ATP11A: variants seen among roughly 807,000 people sequenced by gnomAD.
ATP11A encodes the protein ATPase phospholipid transporting 11A.
ATP11A carries 81 observed loss-of-function variants against 154.4 expected under a neutral mutation model. That is an observed-to-expected ratio of 0.52 (90% confidence interval 0.44 to 0.63). ATP11A has a LOEUF of 0.63. Among genes scored for constraint, ATP11A ranks in the 30% least tolerant of loss-of-function variants. The pLI is 0.00. For missense variants in ATP11A, 1,316 were observed against 1,474.3 expected (o/e 0.89, Z 1.76); for synonymous variants, 623 against 585.9 (o/e 1.06, Z -0.91).
chr13:112,762,663 C>T (rs393244), intron 1 of ATP11A, among the ~76,000 whole-genome samples: 35,973 of 152,176 alleles, frequency 0.24, 6,207 homozygotes, highest in African/African-American at 0.49. Flanking sequence ...TCCCATGTCC[C>T]TGTGGTAAAA....
chr13:112,863,352 TGC>T (rs879891891), intron 25 of ATP11A, among the ~76,000 whole-genome samples: 22 of 147,482 alleles, frequency 1.5e-4, no homozygotes, highest in Non-Finnish European at 1.6e-4. Context: ...CATCACCACC[TGC>T]GCAGTAATTC....
intron 15 of ATP11A, among the ~76,000 whole-genome samples, chr13:112,835,001 C>CT: frequency 6.6e-6 from 1 of 152,378 alleles, no homozygotes; most frequent in Admixed American, 6.5e-5. Flanking sequence ...CCTCTCCAGG[C>CT]CCCTTTGCCT....
rs961973550 is a variant in ATP11A at position 112,881,883 on chromosome 13, G to T, written c.*17G>T. The T allele has an allele frequency of 5.8e-6, 8 of 1,367,626 alleles. No individual in the cohort carries two copies. The African/African-American group carries it at 1.0e-4, about 18-fold the overall frequency. The allele number at this position is 1,367,626 out of a possible 1,614,324, so 84.7% of individuals were successfully genotyped here. On this transcript the variant is annotated 3_prime_UTR_variant, in exon 30 of 30. Coordinates refer to ENST00000375645, the MANE Select transcript of ATP11A (RefSeq NM_015205.3). Reference sequence around the variant, plus strand: ...CCTCTTGCCTCTCTGCAGAGCCCAGGCTACCAGAGCACCTGTCCCTCGGCC... The same window carrying T: ...CCTCTTGCCTCTCTGCAGAGCCCAGTCTACCAGAGCACCTGTCCCTCGGCC...
At chr13:112,821,253 C>T (rs1255152051) in intron 8 of ATP11A, among the ~76,000 whole-genome samples, 3 of 152,110 alleles carry the variant, frequency 2.0e-5, no homozygotes, top group African/African-American at 7.2e-5. Context: ...CAACTTGGGA[C>T]GATAATTGCT....
chr13:112,856,611 C>T (rs1266478251), intron 20 of ATP11A: 2 of 152,400 alleles, frequency 1.3e-5, no homozygotes, highest in Non-Finnish European at 2.9e-5. Flanking sequence ...CGGCCATGTT[C>T]TTGTGGGAAA....
At chr13:112,822,745 A>C in intron 8 of ATP11A, among the ~76,000 whole-genome samples, 1 of 145,828 alleles carries the variant, frequency 6.9e-6, no homozygotes. Context: ...CCCTGTTGCA[A>C]AAAAAAAAAA....
rs530043419 is a variant in ATP11A at position 112,873,817 on chromosome 13, C to T, written c.3161+141C>T. The T allele has an allele frequency of 7.5e-4, 561 of 743,178 alleles. 6 individuals carry two copies. The Admixed American group carries it at 0.012, about 16-fold the overall frequency. The allele number at this position is 743,178 out of a possible 1,614,324, so 46.0% of individuals were successfully genotyped here. On this transcript the variant is annotated intron_variant, in intron 27 of 29. Transcript: ENST00000375645. Reference sequence around the variant, plus strand: ...TGAATGGCTGCTGTGTGCTGGGTGTCGTGGGGTCCTGGGATACAGTCGGGG... The same window carrying T: ...TGAATGGCTGCTGTGTGCTGGGTGTTGTGGGGTCCTGGGATACAGTCGGGG...
intron 1 of ATP11A, among the ~76,000 whole-genome samples, chr13:112,751,152 A>G (rs1477449613): frequency 6.6e-6 from 1 of 152,164 alleles, no homozygotes; most frequent in Non-Finnish European, 1.5e-5. Flanking sequence ...CAAGATGAAC[A>G]CCGGTGTAAG....
At chr13:112,730,634 C>T (rs1485890020) in intron 1 of ATP11A, among the ~76,000 whole-genome samples, 3 of 152,204 alleles carry the variant, frequency 2.0e-5, no homozygotes, top group Non-Finnish European at 4.4e-5. Context: ...CGCAGGGCCT[C>T]CTGGTGAAAT....
intron 5 of ATP11A, 135 bp from the exon 6 acceptor site, chr13:112,815,948 T>C: frequency 1.6e-6 from 2 of 1,273,510 alleles, no homozygotes; most frequent in Non-Finnish European, 2.2e-6. Context: ...GGCAAGAGTC[T>C]TTTCCTGAAA....
intron 18 of ATP11A, 178 bp downstream of exon 18, chr13:112,851,396 A>G (rs1016773331): frequency 5.9e-6 from 3 of 504,776 alleles, no homozygotes; most frequent in African/African-American, 3.8e-5. Context: ...CAGGAAGGTC[A>G]TGCCTGGGGG....
chr13:112,700,423 C>T (rs1325862392), intron 1 of ATP11A, among the ~76,000 whole-genome samples: 2 of 152,206 alleles, frequency 1.3e-5, no homozygotes, highest in African/African-American at 2.4e-5. Flanking sequence ...CCTTCCTTCC[C>T]CAAGGGTTGT....
Position 112,838,521 on chromosome 13 carries a change from C to T in ATP11A, c.1705+2270C>T, listed in dbSNP as rs965225997. On this transcript the variant is annotated intron_variant, in intron 16 of 29. Coordinates refer to ENST00000375645, the MANE Select transcript of ATP11A (RefSeq NM_015205.3). The surrounding 1 kb of genome is among the most constrained non-coding windows in gnomAD (Gnocchi z 7.3). The stretch of plus-strand genomic sequence containing the variant: ...AGCCGCCCCTGCCGCGCACTCACCC[C>T]GGAGCTGGCCCTGCCACACGCTCAC... Among the ~76,000 whole-genome samples, 4 of 152,222 alleles carry T rather than the reference C, an allele frequency of 2.6e-5. No individual in the cohort carries two copies. The highest frequency in any genetic ancestry group is 7.2e-5 in the African/African-American group (3 of 41,450).
chr13:112,863,714 C>T (rs868622123), intron 25 of ATP11A, among the ~76,000 whole-genome samples: 3,520 of 63,042 alleles, frequency 0.056, 2 homozygotes, highest in Middle Eastern at 0.1. Flanking sequence ...AGCTTCCCAG[C>T]GGGGTCCATC....
At chr13:112,743,649 G>C (rs1183406253) in intron 1 of ATP11A, among the ~76,000 whole-genome samples, 2 of 152,170 alleles carry the variant, frequency 1.3e-5, no homozygotes, top group African/African-American at 2.4e-5. Flanking sequence ...GCAGGTTCCT[G>C]CTAGCACTGA....
chr13:112,852,876 A>C (rs2140329850), intron 18 of ATP11A, among the ~76,000 whole-genome samples: 1 of 152,030 alleles, frequency 6.6e-6, no homozygotes, highest in Non-Finnish European at 1.5e-5. Flanking sequence ...AACATCTCTG[A>C]GCCTCAGCTT....
intron 1 of ATP11A, among the ~76,000 whole-genome samples, chr13:112,738,183 C>G (rs900447083): frequency 6.6e-6 from 1 of 151,956 alleles, no homozygotes. Flanking sequence ...ACCAGCCTGG[C>G]CAAACATGGT....
rs184093698 is a variant in ATP11A at position 112,694,986 on chromosome 13, G to A, written c.39+4531G>A. Among the ~76,000 whole-genome samples, 43 of 152,326 alleles carry A rather than the reference G, an allele frequency of 2.8e-4. 1 individual carries two copies. Among genetic ancestry groups the A allele is most frequent in the Non-Finnish European group, 3.2e-4 (22 of 68,028 alleles). On this transcript the variant is annotated intron_variant, in intron 1 of 29. Coordinates refer to ENST00000375645, the MANE Select transcript of ATP11A (RefSeq NM_015205.3). Reference sequence around the variant, plus strand: ...CTTCTTTTATTTATTACCGAATGGTGTATAATGTGAACATCAGTGTTCAAC... The same window carrying A: ...CTTCTTTTATTTATTACCGAATGGTATATAATGTGAACATCAGTGTTCAAC...
At chr13:112,836,579 G>A (rs368473899) in intron 16 of ATP11A, among the ~76,000 whole-genome samples, 3 of 151,990 alleles carry the variant, frequency 2.0e-5, no homozygotes, top group East Asian at 3.9e-4. Flanking sequence ...TCCCCCACCC[G>A]CTTTTCTCCA....
Sources: gnomAD v4.1 joint callset for allele counts (sites outside exome capture counted in the v4.1 genomes callset) on GRCh38, gnomAD v4.1.1 for gene constraint, Gnocchi (gnomAD v3.1) non-coding constraint, MANE v1.5 for transcripts, NCBI Gene and HGNC (gene_info 2026-07-23, HGNC 2026-07-21) for gene names.